FGF13: variants seen among roughly 807,000 people sequenced by gnomAD.
FGF13 encodes fibroblast growth factor homologous factor 2.
In FGF13, 2 loss-of-function variants were observed where a neutral mutation model predicts 19.5. The observed-to-expected ratio is 0.10, with a 90% confidence interval of 0.04 to 0.32. FGF13 has a LOEUF of 0.32. FGF13 is among the 10% of genes least tolerant of loss of function. The pLI, the probability that FGF13 is intolerant of heterozygous loss-of-function variation, is 1.00. For missense variants in FGF13, 113 were observed against 192.7 expected (o/e 0.59, Z 2.45); for synonymous variants, 72 against 76.9 (o/e 0.94, Z 0.33).
chrX:138,865,130 C>T (rs2091310424), intron 1 of FGF13, among the ~76,000 whole-genome samples: 1 of 111,716 alleles, frequency 9.0e-6, no homozygotes, highest in Non-Finnish European at 1.9e-5. Context: ...AACGACTCTC[C>T]CAAGCTACTT....
intron 1 of FGF13, among the ~76,000 whole-genome samples, chrX:138,956,287 C>T (rs1432642676): frequency 8.9e-6 from 1 of 111,819 alleles, no homozygotes; most frequent in African/African-American, 3.3e-5. Context: ...TTCACAAAGA[C>T]ACGAGAACCA....
Position 138,756,532 on chromosome X carries a change from C to T in FGF13, c.218-47604G>A, listed in dbSNP as rs1248926375. On this transcript the variant is annotated intron_variant, in intron 3 of 6. Transcript: ENST00000436198. ...TGCTTTTTTCCATAGCAATTTGTGG[C>T]CAGGGAAGGCTAAGCAACGGGCCCA... is the stretch of plus-strand genomic sequence containing the variant. 2.7e-5 allele frequency among the ~76,000 whole-genome samples: 3 copies of T among 112,596 alleles called. No homozygotes were observed. The Admixed American group carries it at 2.8e-4, about 11-fold the overall frequency.
rs143219723 is a variant in FGF13, at chrX:139,047,690, T to C, written c.-113+155726A>G. 3.0e-4 allele frequency among the ~76,000 whole-genome samples: 34 copies of C among 112,090 alleles called. No individual in the cohort carries two copies. The East Asian group carries it at 9.5e-3, about 31-fold the overall frequency. The stretch of plus-strand genomic sequence containing the variant: ...AGCATTAACTGCCTGTAAAATGAGT[T>C]TTGAGGCTTAAATGAGAAGATATAT... On this transcript the variant is annotated intron_variant, in intron 1 of 2. Transcript: ENST00000421460.
chrX:138,631,281 AAC>A lies in FGF13; in HGVS notation c.*1567_*1568del, dbSNP rs760882270. On this transcript the variant is annotated 3_prime_UTR_variant, in exon 5 of 5. Transcript: ENST00000315930. ...CCCTCTAGAGAGGAGAGAAATAAGC[AAC>A]AGAGAGGGGAAATGACACTGTGAGT... 1.8e-5 allele frequency: 2 copies of A among 112,358 alleles called. No individual in the cohort carries two copies. The highest frequency in any genetic ancestry group is 5.6e-4 in the East Asian group (2 of 3,582). 9.3% of individuals were successfully genotyped at this position (112,358 alleles called of 1,213,427 possible).
In FGF13 at chrX:139,014,499, A is replaced by G. The variant is rs769742680; in HGVS notation, c.-112-149849T>C. On this transcript the variant is annotated intron_variant, in intron 1 of 2. Transcript: ENST00000421460. ...AAATTGGAAAATCTAGAATAAATGA[A>G]TCAATTCCTAGAAACATACAACCTA... Among the ~76,000 whole-genome samples, 3 of 111,481 alleles carry G rather than the reference A, an allele frequency of 2.7e-5. No homozygotes were observed. The East Asian group carries it at 8.5e-4, about 32-fold the overall frequency.
At chrX:138,958,827 C>T in intron 1 of FGF13, among the ~76,000 whole-genome samples, 1 of 111,685 alleles carries the variant, frequency 9.0e-6, no homozygotes, top group African/African-American at 3.3e-5. Flanking sequence ...TTATAGTATT[C>T]TCTGATGGTA....
chrX:139,139,290 A>G (rs1218028145), intron 1 of FGF13, among the ~76,000 whole-genome samples: 2 of 111,970 alleles, frequency 1.8e-5, no homozygotes, highest in East Asian at 5.6e-4. Flanking sequence ...GCAAAGACGT[A>G]TTGAGTGCCT....
chrX:139,050,912 T>A (rs1476026923), intron 1 of FGF13, among the ~76,000 whole-genome samples: 1 of 112,057 alleles, frequency 8.9e-6, no homozygotes, highest in Non-Finnish European at 1.9e-5. Flanking sequence ...CCTCATGACA[T>A]CTTTTATATA....
At chrX:139,116,011 T>C (rs138846347) in intron 1 of FGF13, among the ~76,000 whole-genome samples, 7 of 112,536 alleles carry the variant, frequency 6.2e-5, no homozygotes, top group Non-Finnish European at 1.3e-4. Context: ...AGTAAATACA[T>C]AGATCTCCAG....
At chrX:138,667,681 G>T in intron 3 of FGF13, 1 of 362,210 alleles carries the variant, frequency 2.8e-6, no homozygotes. Flanking sequence ...TTGAGTTCCA[G>T]TCAACATTTG....
intron 1 of FGF13, among the ~76,000 whole-genome samples, chrX:138,901,320 G>T (rs1316810206): frequency 9.0e-6 from 1 of 111,252 alleles, no homozygotes; most frequent in Admixed American, 9.6e-5. Flanking sequence ...CGCACGGTGG[G>T]GCTGTTTGCT....
chrX:138,660,553 T>A (rs901007463), intron 3 of FGF13, among the ~76,000 whole-genome samples: 1 of 111,832 alleles, frequency 8.9e-6, no homozygotes, highest in Non-Finnish European at 1.9e-5. Flanking sequence ...TGTGTAATAA[T>A]CACATCAGAG....
At chrX:138,756,737 T>C (rs1400911214) in intron 3 of FGF13, among the ~76,000 whole-genome samples, 1 of 111,817 alleles carries the variant, frequency 8.9e-6, no homozygotes, top group East Asian at 2.8e-4. Context: ...CATTACATTG[T>C]CAGTCTGGGG....
intron 1 of FGF13, among the ~76,000 whole-genome samples, chrX:139,126,745 C>A (rs778170801): frequency 9.8e-5 from 11 of 111,707 alleles, no homozygotes; most frequent in Admixed American, 1.9e-4. Context: ...AGAGTACAAC[C>A]TGCTCCTGCT....
intron 1 of FGF13, among the ~76,000 whole-genome samples, chrX:138,723,578 G>T (rs1279377140): frequency 2.7e-5 from 3 of 111,205 alleles, no homozygotes; most frequent in African/African-American, 9.8e-5. Context: ...TGGAATTCAT[G>T]AATGCTAGAA....
intron 1 of FGF13, among the ~76,000 whole-genome samples, chrX:138,876,762 G>C (rs1423141641): frequency 8.9e-6 from 1 of 112,105 alleles, no homozygotes; most frequent in African/African-American, 3.2e-5. Context: ...CTGTCATTTT[G>C]AGACTTTGAG....
upstream of FGF13, among the ~76,000 whole-genome samples, chrX:138,740,970 T>C (rs999763354): frequency 1.6e-4 from 18 of 112,501 alleles, no homozygotes; most frequent in Non-Finnish European, 3.0e-4. Flanking sequence ...CCATGGGGTA[T>C]TCCCCATTGT....
intron 1 of FGF13, among the ~76,000 whole-genome samples, chrX:139,148,813 T>C (rs748300589): frequency 1.9e-4 from 21 of 110,759 alleles, no homozygotes; most frequent in Non-Finnish European, 3.2e-4. Flanking sequence ...TGTAAGTGCA[T>C]AACAAACCCT....
intron 1 of FGF13, among the ~76,000 whole-genome samples, chrX:139,125,200 G>C (rs779602291): frequency 1.1e-3 from 128 of 111,514 alleles, no homozygotes; most frequent in Non-Finnish European, 2.1e-3. Flanking sequence ...CTGACTTCAG[G>C]AGTATTTTTA....
Sources: allele counts gnomAD v4.1 joint callset (sites outside exome capture counted in the v4.1 genomes callset), GRCh38; gene constraint gnomAD v4.1.1; transcripts MANE v1.5; gene names NCBI Gene and HGNC (gene_info 2026-07-23, HGNC 2026-07-21).